The following LRP1B variants were observed in gnomAD, a reference collection of about 807,000 sequenced individuals.
The protein encoded by LRP1B is low-density lipoprotein receptor-related protein 1B.
Under a neutral mutation model 556.6 loss-of-function variants are expected in LRP1B, and 217 were observed. The observed-to-expected ratio is 0.39, with a 90% confidence interval of 0.35 to 0.44. The LOEUF (loss-of-function observed/expected upper bound fraction) is 0.44. Ranked by LOEUF, LRP1B falls within the 20% of genes least tolerant of loss-of-function variation. The probability of loss-of-function intolerance (pLI) is 1.00; values close to 1 mark genes in which losing one functional copy is unlikely to be tolerated. For missense variants in LRP1B, 5,053 were observed against 5,620.8 expected (o/e 0.90, Z 3.23); for synonymous variants, 2,047 against 1,865.8 (o/e 1.10, Z -2.50).
rs372151786 is a variant in LRP1B at position 141,229,300 on chromosome 2, C to G, written c.733G>C (p.Asp245His). Residue 245 changes from aspartate (D) to histidine (H), a missense_variant, in exon 6 of 91, where the codon GAT (aspartate) becomes CAT (histidine). By Grantham distance (81) the Asp-to-His change is moderately conservative. Coordinates refer to ENST00000389484, the MANE Select transcript of LRP1B (RefSeq NM_018557.3). ...CTTGATTCAATCCAACAAATCATATCTTCATTATAAATAAAATCCAGAGTA... is the reference window on the plus strand; with the variant it reads ...CTTGATTCAATCCAACAAATCATATGTTCATTATAAATAAAATCCAGAGTA... ...IHTLDFIYNE[D>H]MICWIESRES... is the part of the protein sequence containing the mutation. 1 of 1,612,624 alleles carries G rather than the reference C, an allele frequency of 6.2e-7. No individual in the cohort carries two copies. The highest frequency in any genetic ancestry group is 8.5e-7 in the Non-Finnish European group (1 of 1,178,972).
chr2:140,619,578 G>T (rs79618863), intron 41 of LRP1B, among the ~76,000 whole-genome samples: 3,234 of 152,198 alleles, frequency 0.021, 132 homozygotes, highest in African/African-American at 0.073. Context: ...GACCAAGTGG[G>T]AGTCCCCGTA....
At chr2:140,633,673 G>C (rs1683974441) in intron 41 of LRP1B, among the ~76,000 whole-genome samples, 1 of 152,044 alleles carries the variant, frequency 6.6e-6, no homozygotes, top group African/African-American at 2.4e-5. Flanking sequence ...GAATAATAAT[G>C]AATATTATGA....
rs543594631 is a variant in LRP1B, at chr2:140,822,194, A to C, written c.5210-8388T>G. Among the ~76,000 whole-genome samples, 4 of 152,310 alleles carry C rather than the reference A, an allele frequency of 2.6e-5. No homozygotes were observed. The East Asian group carries it at 7.7e-4, about 29-fold the overall frequency. Reference sequence around the variant, plus strand: ...AAATCACTGTCATCAGTAAAGTAAAATCTTCTGATATGTAAACTGCTCTAA... The same window carrying C: ...AAATCACTGTCATCAGTAAAGTAAACTCTTCTGATATGTAAACTGCTCTAA... On this transcript the variant is annotated intron_variant, in intron 31 of 90. Coordinates refer to ENST00000389484, the MANE Select transcript of LRP1B (RefSeq NM_018557.3).
chr2:140,630,629 C>A (rs953199473), intron 41 of LRP1B, among the ~76,000 whole-genome samples: 2 of 152,136 alleles, frequency 1.3e-5, no homozygotes, highest in African/African-American at 4.8e-5. Context: ...GTGTGCTTTA[C>A]TTCTAGGAAC....
At chr2:142,111,826 C>T (rs1385725585) in intron 1 of LRP1B, among the ~76,000 whole-genome samples, 1 of 152,008 alleles carries the variant, frequency 6.6e-6, no homozygotes. Context: ...AATAAACTTC[C>T]TTTAATTGAG....
At chr2:140,867,006 C>G (rs1022153638) in intron 27 of LRP1B, among the ~76,000 whole-genome samples, 9 of 151,992 alleles carry the variant, frequency 5.9e-5, no homozygotes, top group African/African-American at 2.2e-4. Flanking sequence ...GGTTATATCA[C>G]ATATAATGAG....
intron 7 of LRP1B, among the ~76,000 whole-genome samples, chr2:141,094,684 T>A (rs1700252453): frequency 1.3e-5 from 2 of 152,332 alleles, no homozygotes; most frequent in South Asian, 2.1e-4. Context: ...CACACCTCTC[T>A]CTCTGTTGTT....
At chr2:141,456,936 A>G (rs1409073003) in intron 3 of LRP1B, among the ~76,000 whole-genome samples, 1 of 152,230 alleles carries the variant, frequency 6.6e-6, no homozygotes, top group Non-Finnish European at 1.5e-5. Flanking sequence ...CTTGTAATTC[A>G]TAAGATAAGT....
At chr2:140,398,670 G>A (rs1347461646) in intron 66 of LRP1B, among the ~76,000 whole-genome samples, 2 of 152,046 alleles carry the variant, frequency 1.3e-5, no homozygotes, top group African/African-American at 2.4e-5. Flanking sequence ...GGGACCATTG[G>A]CACACATCAC....
chr2:140,420,421 T>C (rs773591099), intron 66 of LRP1B, among the ~76,000 whole-genome samples: 4 of 152,142 alleles, frequency 2.6e-5, no homozygotes, highest in South Asian at 2.1e-4. Flanking sequence ...TCTCAAATAC[T>C]GCTAGTGGAA....
intron 17 of LRP1B, among the ~76,000 whole-genome samples, chr2:140,982,617 C>G (rs1055812742): frequency 1.3e-5 from 2 of 150,366 alleles, no homozygotes; most frequent in African/African-American, 2.5e-5. Context: ...TCATCCAACT[C>G]TTAATTAACA....
chr2:140,994,389 ATGTGTGTGTG>A (rs3061707), intron 15 of LRP1B, among the ~76,000 whole-genome samples: 3 of 147,068 alleles, frequency 2.0e-5, no homozygotes, highest in East Asian at 2.0e-4. Context: ...GTAGGTAAGG[ATGTGTGTGTG>A]TGTGTGTGTG....
chr2:141,248,408 C>G (rs1218697489), intron 4 of LRP1B, among the ~76,000 whole-genome samples: 2 of 151,982 alleles, frequency 1.3e-5, no homozygotes, highest in Non-Finnish European at 2.9e-5. Flanking sequence ...ATGATAGAAA[C>G]AGGGAAGTCA....
At chr2:140,392,593 T>G (rs561743992) in intron 66 of LRP1B, among the ~76,000 whole-genome samples, 1 of 152,054 alleles carries the variant, frequency 6.6e-6, no homozygotes, top group South Asian at 2.1e-4. Context: ...ATTCAAGCAA[T>G]TCTCTTGCCT....
At chr2:140,429,450 A>G (rs1324212300) in intron 66 of LRP1B, among the ~76,000 whole-genome samples, 1 of 151,906 alleles carries the variant, frequency 6.6e-6, no homozygotes, top group Non-Finnish European at 1.5e-5. Flanking sequence ...TTTCACTTGG[A>G]CTGACCCTGA....
At chr2:140,680,517 G>C (rs1685825340) in intron 41 of LRP1B, among the ~76,000 whole-genome samples, 1 of 152,190 alleles carries the variant, frequency 6.6e-6, no homozygotes, top group Non-Finnish European at 1.5e-5. Context: ...AATAACTGCT[G>C]ACTGCCCCTT....
chr2:140,810,889 C>A (rs960799486), intron 32 of LRP1B, among the ~76,000 whole-genome samples: 28 of 152,082 alleles, frequency 1.8e-4, no homozygotes, highest in Non-Finnish European at 4.1e-4. Context: ...GCACCCGCTA[C>A]CATGACTGGC....
At chr2:141,944,922 G>A (rs10205836) in intron 1 of LRP1B, among the ~76,000 whole-genome samples, 16,903 of 152,060 alleles carry the variant, frequency 0.11, 1,156 homozygotes, top group East Asian at 0.25. Flanking sequence ...AAGAGTAAGC[G>A]TAGTTATCAA....
At chr2:141,079,202 CCTGT>C (rs1452368023) in intron 7 of LRP1B, among the ~76,000 whole-genome samples, 1 of 152,142 alleles carries the variant, frequency 6.6e-6, no homozygotes, top group Admixed American at 6.5e-5. Context: ...ATTCAGACTT[CCTGT>C]CTTTCTTTTC....
Sources: allele counts gnomAD v4.1 joint callset (sites outside exome capture counted in the v4.1 genomes callset), GRCh38; gene constraint gnomAD v4.1.1; transcripts MANE v1.5; gene names NCBI Gene and HGNC (gene_info 2026-07-23, HGNC 2026-07-21).